The following CSMD1 variants were observed in gnomAD, a reference collection of about 807,000 sequenced individuals.
CSMD1 encodes the protein CUB and Sushi multiple domains 1, also known as CUB and sushi domain-containing protein 1.
CSMD1 carries 213 observed loss-of-function variants against 417.5 expected under a neutral mutation model. The ratio of observed to expected loss-of-function variants is 0.51; its 90% CI spans 0.46 to 0.57. The LOEUF (loss-of-function observed/expected upper bound fraction) is 0.57, where lower values mean the gene tolerates loss of function less well. Among genes scored for constraint, CSMD1 ranks in the 20% least tolerant of loss-of-function variants. The probability of loss-of-function intolerance (pLI) is 0.00; values close to 1 mark genes in which losing one functional copy is unlikely to be tolerated. For synonymous variants in CSMD1, 2,862 were observed against 1,736.8 expected (o/e 1.65, Z -16.11); for missense variants, 6,923 against 4,529.7 (o/e 1.53, Z -15.17).
intron 49 of CSMD1, among the ~76,000 whole-genome samples, chr8:3,056,259 G>C (rs761911569): frequency 3.9e-5 from 6 of 152,216 alleles, no homozygotes; most frequent in Non-Finnish European, 7.4e-5. Context: ...GTCCAGTGTT[G>C]TCTGAACCTT....
chr8:4,932,586 G>A (rs1349301526), intron 1 of CSMD1, among the ~76,000 whole-genome samples: 2 of 152,190 alleles, frequency 1.3e-5, no homozygotes, highest in African/African-American at 4.8e-5. Context: ...ATATGATACT[G>A]CAGGATTTTG....
At chr8:3,052,365 G>C (rs1585232923) in intron 50 of CSMD1, 97 bp downstream of exon 50, 2 of 797,492 alleles carry the variant, frequency 2.5e-6, no homozygotes, top group East Asian at 5.5e-5. Context: ...ACAAGGTGTG[G>C]GAGAGGACCT....
chr8:3,773,699 G>C (rs559541424), intron 5 of CSMD1, among the ~76,000 whole-genome samples: 1 of 152,108 alleles, frequency 6.6e-6, no homozygotes, highest in Admixed American at 6.5e-5. Context: ...CATCTTAATT[G>C]AGTTCCCACC....
At chr8:4,268,773 C>G (rs1484525843) in intron 3 of CSMD1, among the ~76,000 whole-genome samples, 3 of 151,732 alleles carry the variant, frequency 2.0e-5, no homozygotes, top group Admixed American at 2.0e-4. Context: ...CCACAAATAT[C>G]TGAATAACAT....
At chr8:4,850,455 C>T (rs1801404476) in intron 1 of CSMD1, among the ~76,000 whole-genome samples, 1 of 128,864 alleles carries the variant, frequency 7.8e-6, no homozygotes, top group Non-Finnish European at 1.6e-5. Context: ...ATTGATTGCT[C>T]AGGAAGCTTC....
intron 3 of CSMD1, among the ~76,000 whole-genome samples, chr8:4,349,055 G>C (rs1266644005): frequency 6.6e-6 from 1 of 152,170 alleles, no homozygotes; most frequent in African/African-American, 2.4e-5. Flanking sequence ...AATTTAGTTA[G>C]AAATTATTAA....
chr8:4,290,292 T>C (rs775056466), intron 3 of CSMD1, among the ~76,000 whole-genome samples: 1 of 152,098 alleles, frequency 6.6e-6, no homozygotes, highest in Non-Finnish European at 1.5e-5. Context: ...TTCACATATG[T>C]CTACAGATGT....
At chr8:4,396,362 G>T (rs1242950220) in intron 3 of CSMD1, among the ~76,000 whole-genome samples, 4 of 151,866 alleles carry the variant, frequency 2.6e-5, no homozygotes, top group Non-Finnish European at 5.9e-5. Flanking sequence ...AGCTACTCAG[G>T]AAGCTGAGGC....
chr8:4,787,121 T>C (rs1797441136), intron 1 of CSMD1, among the ~76,000 whole-genome samples: 1 of 152,166 alleles, frequency 6.6e-6, no homozygotes, highest in Non-Finnish European at 1.5e-5. Flanking sequence ...TGGCTCAACT[T>C]TTAGAGGGAA....
At chr8:4,414,326 C>T (rs908064333) in intron 3 of CSMD1, among the ~76,000 whole-genome samples, 1 of 152,110 alleles carries the variant, frequency 6.6e-6, no homozygotes, top group Non-Finnish European at 1.5e-5. Context: ...TTCCTGAAAC[C>T]CGAAGAAAAG....
chr8:3,898,513 G>A (rs1337519141), intron 5 of CSMD1, among the ~76,000 whole-genome samples: 1 of 152,206 alleles, frequency 6.6e-6, no homozygotes, highest in Non-Finnish European at 1.5e-5. Context: ...GAGAATACCT[G>A]AGAGTCTGTC....
intron 37 of CSMD1, among the ~76,000 whole-genome samples, chr8:3,179,098 A>C (rs981277163): frequency 6.6e-6 from 1 of 151,288 alleles, no homozygotes; most frequent in Non-Finnish European, 1.5e-5. Flanking sequence ...CAGGCCCGCC[A>C]CCACGCCTGG....
intron 1 of CSMD1, among the ~76,000 whole-genome samples, chr8:4,820,141 A>G (rs1212630763): frequency 6.6e-6 from 1 of 151,992 alleles, no homozygotes; most frequent in African/African-American, 2.4e-5. Flanking sequence ...TTCTTGCACC[A>G]CCTCTCTGTG....
rs1419258309 is a variant in CSMD1 at position 3,199,730 on chromosome 8, G to A, written c.5178C>T (p.Phe1726=). The change falls in exon 33 of 70, where the codon TTC becomes TTT. Residue 1726 remains phenylalanine, a synonymous_variant. Transcript: ENST00000635120. ...GACGCTTACCTTGATACACGAAGTG[G>A]AAGCCGCGGGCAGAGGCACCGCTCT... ...SAKSGASARG[F]HFVYQAVPRT... The A allele has an allele frequency of 8.8e-6, 14 of 1,586,436 alleles. No homozygotes were observed. Among genetic ancestry groups the A allele is most frequent in the Non-Finnish European group, 6.0e-6 (7 of 1,165,892 alleles).
chr8:3,369,230 T>A (rs766508376), intron 19 of CSMD1, 24 bp downstream of exon 19: 2 of 1,149,018 alleles, frequency 1.7e-6, no homozygotes. Flanking sequence ...GTCTGTATGT[T>A]TGAGACCTAT....
chr8:4,667,230 C>A, intron 1 of CSMD1, among the ~76,000 whole-genome samples: 1 of 151,984 alleles, frequency 6.6e-6, no homozygotes, highest in Non-Finnish European at 1.5e-5. Context: ...TCATGTTTTC[C>A]AATACCACAG....
rs924647768 is a variant in CSMD1 at position 3,286,810 on chromosome 8, A to G, written c.3951-2464T>C. On this transcript the variant is annotated intron_variant, in intron 25 of 69. Transcript: ENST00000635120. Reference sequence around the variant, plus strand: ...CTGATGGTAGTTTCTTGTGCTGTGCAGAAGCTCTTTAGTTTATTTAGATCC... The same window carrying G: ...CTGATGGTAGTTTCTTGTGCTGTGCGGAAGCTCTTTAGTTTATTTAGATCC... Among the ~76,000 whole-genome samples, 4 of 152,140 alleles carry G rather than the reference A, an allele frequency of 2.6e-5. No individual in the cohort carries two copies. In the South Asian group the frequency reaches 8.3e-4, roughly 32 times the overall value.
intron 1 of CSMD1, among the ~76,000 whole-genome samples, chr8:4,666,047 C>T (rs2130933171): frequency 6.6e-6 from 1 of 152,164 alleles, no homozygotes; most frequent in Non-Finnish European, 1.5e-5. Flanking sequence ...TTGCTTTAAG[C>T]CATAGTAACT....
intron 3 of CSMD1, among the ~76,000 whole-genome samples, chr8:4,205,896 A>G (rs1799951021): frequency 6.6e-6 from 1 of 152,158 alleles, no homozygotes; most frequent in Non-Finnish European, 1.5e-5. Flanking sequence ...CTGTGCAGAA[A>G]ATCAGTACCG....
Sources: gnomAD v4.1 joint callset for allele counts (sites outside exome capture counted in the v4.1 genomes callset) on GRCh38, gnomAD v4.1.1 for gene constraint, MANE v1.5 for transcripts, NCBI Gene and HGNC (gene_info 2026-07-23, HGNC 2026-07-21) for gene names.